Variants in LRP1B observed in about 807,000 individuals in gnomAD.
LRP1B encodes the protein low-density lipoprotein receptor-related protein 1B.
Under a neutral mutation model 556.6 loss-of-function variants are expected in LRP1B, and 217 were observed. The ratio of observed to expected loss-of-function variants is 0.39; its 90% CI spans 0.35 to 0.44. LRP1B has a LOEUF of 0.44. Ranked by LOEUF, LRP1B falls within the 20% of genes least tolerant of loss-of-function variation. LRP1B has a pLI of 1.00. For synonymous variants in LRP1B, 2,047 were observed against 1,865.8 expected (o/e 1.10, Z -2.50); for missense variants, 5,053 against 5,620.8 (o/e 0.90, Z 3.23).
rs949993798 is a variant in LRP1B, at chr2:141,397,337, A to G, written c.343+83059T>C. ...AAAATTATTATATAGTACTGTGTAT[A>G]GTATTTCATTACCTATATTTCCATT... On this transcript the variant is annotated intron_variant, in intron 3 of 90. Coordinates refer to ENST00000389484, the MANE Select transcript of LRP1B (RefSeq NM_018557.3). 2.6e-5 allele frequency among the ~76,000 whole-genome samples: 4 copies of G among 151,852 alleles called. No homozygotes were observed. In the East Asian group the frequency reaches 7.7e-4, roughly 29 times the overall value.
chr2:140,433,194 G>T (rs773992515), intron 66 of LRP1B, among the ~76,000 whole-genome samples: 14 of 152,254 alleles, frequency 9.2e-5, no homozygotes, highest in Middle Eastern at 3.4e-3. Context: ...CGCCTCCTGG[G>T]TGCAACAATT....
intron 7 of LRP1B, among the ~76,000 whole-genome samples, chr2:141,094,581 A>G (rs1700249078): frequency 6.6e-6 from 1 of 152,148 alleles, no homozygotes; most frequent in Admixed American, 6.5e-5. Context: ...CATAATAACA[A>G]AATAAGTAAT....
intron 2 of LRP1B, among the ~76,000 whole-genome samples, chr2:141,767,631 G>A (rs1694769282): frequency 6.6e-6 from 1 of 152,100 alleles, no homozygotes; most frequent in Non-Finnish European, 1.5e-5. Context: ...AAAATAAAGA[G>A]TTGTATGCTG....
intron 86 of LRP1B, among the ~76,000 whole-genome samples, chr2:140,261,424 T>C (rs1230779166): frequency 6.6e-6 from 1 of 151,932 alleles, no homozygotes; most frequent in Non-Finnish European, 1.5e-5. Context: ...GGATATAATA[T>C]TTCTAATTCT....
intron 35 of LRP1B, among the ~76,000 whole-genome samples, chr2:140,751,708 C>T (rs1688586247): frequency 6.6e-6 from 1 of 152,276 alleles, no homozygotes; most frequent in South Asian, 2.1e-4. Flanking sequence ...CAGCATCTCC[C>T]TCAATAAAAT....
chr2:140,493,947 C>A (rs1688808443), intron 56 of LRP1B, among the ~76,000 whole-genome samples: 1 of 152,104 alleles, frequency 6.6e-6, no homozygotes, highest in Non-Finnish European at 1.5e-5. Flanking sequence ...AGAATTGGCT[C>A]TCGAGTTGAA....
chr2:140,683,696 C>T, intron 41 of LRP1B: 1 of 719,898 alleles, frequency 1.4e-6, no homozygotes, highest in South Asian at 1.5e-5. Context: ...TCACTCCGGG[C>T]TGGACTGTCA....
At chr2:140,782,871 C>T (rs1053624427) in intron 32 of LRP1B, among the ~76,000 whole-genome samples, 3 of 152,122 alleles carry the variant, frequency 2.0e-5, no homozygotes, top group African/African-American at 7.2e-5. Flanking sequence ...TGTGTTAACA[C>T]ACACACTGTT....
chr2:141,806,833 G>A (rs1696181736), intron 2 of LRP1B, among the ~76,000 whole-genome samples: 1 of 151,874 alleles, frequency 6.6e-6, no homozygotes, highest in African/African-American at 2.4e-5. Context: ...TTTAATTCCT[G>A]TTAGAATTTT....
At chr2:140,852,918 C>T (rs964774211) in intron 27 of LRP1B, among the ~76,000 whole-genome samples, 1 of 151,776 alleles carries the variant, frequency 6.6e-6, no homozygotes, top group Non-Finnish European at 1.5e-5. Flanking sequence ...AAAAAAGTCA[C>T]TAGAACTAGG....
chr2:141,691,792 C>G (rs1482628426), intron 2 of LRP1B, among the ~76,000 whole-genome samples: 1 of 151,928 alleles, frequency 6.6e-6, no homozygotes, highest in Non-Finnish European at 1.5e-5. Flanking sequence ...TCCCCAAACT[C>G]CATCTTCAAC....
At chr2:140,772,031 C>A (rs1172917076) in intron 33 of LRP1B, among the ~76,000 whole-genome samples, 1 of 152,160 alleles carries the variant, frequency 6.6e-6, no homozygotes, top group African/African-American at 2.4e-5. Flanking sequence ...ATACTCTCAA[C>A]TTGGGAGATT....
intron 3 of LRP1B, among the ~76,000 whole-genome samples, chr2:141,420,576 C>T (rs555021182): frequency 3.9e-5 from 6 of 152,140 alleles, no homozygotes; most frequent in South Asian, 2.1e-4. Context: ...TCTTGTCAGC[C>T]GTGAAACATC....
In LRP1B at chr2:140,743,993, T is replaced by TAAAAAAAAAAA. The variant is rs1297190080; in HGVS notation, c.5758+25219_5758+25220insTTTTTTTTTTT. Among the ~76,000 whole-genome samples, 4 of 7,174 alleles carry TAAAAAAAAAAA rather than the reference T, an allele frequency of 5.6e-4. 2 individuals carry two copies. Among genetic ancestry groups the TAAAAAAAAAAA allele is most frequent in the African/African-American group, 6.3e-4 (2 of 3,180 alleles). 4.7% of individuals were successfully genotyped at this position (7,174 alleles called of 152,430 possible). ...AAAAAAAAAAAAAAAAAAAAAAAAG[T>TAAAAAAAAAAA]AAAAAGTAAAATCCATAGACATAGA... On this transcript the variant is annotated intron_variant, in intron 35 of 90. Transcript: ENST00000389484.
chr2:141,673,686 T>C (rs929629457), intron 2 of LRP1B, among the ~76,000 whole-genome samples: 1 of 152,140 alleles, frequency 6.6e-6, no homozygotes, highest in African/African-American at 2.4e-5. Context: ...TGAACTTCTA[T>C]AATTGTGCAA....
At chr2:142,127,788 G>T (rs1707708007) in intron 1 of LRP1B, among the ~76,000 whole-genome samples, 1 of 152,010 alleles carries the variant, frequency 6.6e-6, no homozygotes, top group Non-Finnish European at 1.5e-5. Context: ...ATTTGGAAAT[G>T]TGTCTCCACA....
At chr2:140,888,058 TG>T (rs1421715774) in intron 23 of LRP1B, among the ~76,000 whole-genome samples, 2 of 152,156 alleles carry the variant, frequency 1.3e-5, no homozygotes, top group African/African-American at 4.8e-5. Context: ...TTAAAAAATG[TG>T]GTAATGACTG....
chr2:141,884,306 T>C (rs570763988), intron 1 of LRP1B, among the ~76,000 whole-genome samples: 1 of 152,102 alleles, frequency 6.6e-6, no homozygotes, highest in East Asian at 1.9e-4. Flanking sequence ...AGCCCAGAAG[T>C]CGAGACTGTA....
intron 66 of LRP1B, among the ~76,000 whole-genome samples, chr2:140,401,264 G>T (rs1164805356): frequency 6.6e-6 from 1 of 152,144 alleles, no homozygotes; most frequent in Non-Finnish European, 1.5e-5. Flanking sequence ...AAAGCTTATG[G>T]CCTGGGGCAA....
Sources: gnomAD v4.1 joint callset for allele counts (sites outside exome capture counted in the v4.1 genomes callset) on GRCh38, gnomAD v4.1.1 for gene constraint, MANE v1.5 for transcripts, NCBI Gene and HGNC (gene_info 2026-07-23, HGNC 2026-07-21) for gene names.